Variants in ABCA12 observed in about 807,000 individuals in gnomAD.
The protein encoded by ABCA12 is glucosylceramide transporter ABCA12.
In ABCA12, 156 loss-of-function variants were observed where a neutral mutation model predicts 293.5. The observed-to-expected ratio is 0.53, with a 90% CI of 0.47 to 0.61. The LOEUF (loss-of-function observed/expected upper bound fraction) is 0.61, where lower values mean the gene tolerates loss of function less well. ABCA12 is among the 20% of genes least tolerant of loss of function. The pLI is 0.00. For synonymous variants in ABCA12, 1,063 were observed against 1,108.0 expected (o/e 0.96, Z 0.81); for missense variants, 2,797 against 3,090.2 (o/e 0.91, Z 2.25).
chr2:214,958,865 C>A (rs945614389), intron 40 of ABCA12, among the ~76,000 whole-genome samples, 159 bp downstream of exon 40: 2 of 152,166 alleles, frequency 1.3e-5, no homozygotes, highest in Admixed American at 6.6e-5. Context: ...CCACTCTACA[C>A]CCTTGCAGAA....
chr2:215,129,474 T>G lies in ABCA12; in HGVS notation c.69+8666A>C, dbSNP rs1393212976. Among the ~76,000 whole-genome samples, 4 of 152,234 alleles carry G rather than the reference T, an allele frequency of 2.6e-5. No homozygotes were observed. In the East Asian group the frequency reaches 5.8e-4, roughly 22 times the overall value. On this transcript the variant is annotated intron_variant, in intron 1 of 52. Coordinates refer to ENST00000272895, the MANE Select transcript of ABCA12 (RefSeq NM_173076.3). ...GTGGTTTAAATTTACATTTCTCTTA[T>G]GATTCATGATATTGAGAATTTTTTC...
intron 52 of ABCA12, 87 bp from the exon 53 acceptor site, chr2:214,932,828 C>T (rs1698103102): frequency 2.1e-6 from 2 of 933,872 alleles, no homozygotes; most frequent in Non-Finnish European, 3.4e-6. Context: ...TCTCCCCTTC[C>T]TCTCTCCTAG....
chr2:215,016,166 G>A (rs1419019848), intron 14 of ABCA12, among the ~76,000 whole-genome samples: 1 of 151,404 alleles, frequency 6.6e-6, no homozygotes, highest in East Asian at 2.0e-4. Flanking sequence ...AAAAAGATGG[G>A]GAAAAAAGAG....
chr2:215,037,600 A>G lies in ABCA12; in HGVS notation c.873-535T>C, dbSNP rs575477147. 2.2e-3 allele frequency among the ~76,000 whole-genome samples: 341 copies of G among 152,310 alleles called. 2 individuals carry two copies. The highest frequency in any genetic ancestry group is 3.1e-3 in the Non-Finnish European group (212 of 68,006). ...CTATATTCTATCTTCTAAGTGGTCTATAGGCACTATTCCAGAGGTAGTTCA... is the reference window on the plus strand; with the variant it reads ...CTATATTCTATCTTCTAAGTGGTCTGTAGGCACTATTCCAGAGGTAGTTCA... On this transcript the variant is annotated intron_variant, in intron 7 of 52. Transcript: ENST00000272895.
At chr2:215,136,883 G>T (rs1437398936) in intron 1 of ABCA12, among the ~76,000 whole-genome samples, 2 of 152,084 alleles carry the variant, frequency 1.3e-5, no homozygotes, top group African/African-American at 4.8e-5. Flanking sequence ...TAGAGAAACT[G>T]TCTTAAGCTA....
chr2:215,092,106 C>T (rs569945085), intron 2 of ABCA12, among the ~76,000 whole-genome samples: 1 of 152,324 alleles, frequency 6.6e-6, no homozygotes, highest in Admixed American at 6.5e-5. Context: ...TGGACCATCA[C>T]AGACGTTTTT....
At chr2:215,120,018 G>A (rs1702771892) in intron 1 of ABCA12, among the ~76,000 whole-genome samples, 2 of 152,130 alleles carry the variant, frequency 1.3e-5, no homozygotes, top group South Asian at 2.1e-4. Context: ...CAACCTATGT[G>A]TCCATCAATG....
chr2:215,102,436 T>C (rs1702378653), intron 2 of ABCA12, among the ~76,000 whole-genome samples: 1 of 152,020 alleles, frequency 6.6e-6, no homozygotes. Flanking sequence ...CTGTCTCTAC[T>C]AAAAATACAA....
chr2:215,074,867 G>A (rs1297806152), intron 2 of ABCA12, among the ~76,000 whole-genome samples: 6 of 151,976 alleles, frequency 3.9e-5, no homozygotes, highest in South Asian at 2.1e-4. Flanking sequence ...ACTTGAACCC[G>A]GGAGGTGGGG....
intron 7 of ABCA12, among the ~76,000 whole-genome samples, chr2:215,040,960 C>T (rs139024374): frequency 1.8e-4 from 27 of 152,236 alleles, no homozygotes; most frequent in African/African-American, 6.0e-4. Context: ...TGGTTTGCTG[C>T]ACCTACTAAG....
At chr2:214,935,045 G>C (rs1376908655) in intron 51 of ABCA12, among the ~76,000 whole-genome samples, 1 of 152,120 alleles carries the variant, frequency 6.6e-6, no homozygotes, top group Non-Finnish European at 1.5e-5. Flanking sequence ...TCTTATTCCA[G>C]AATCTACCCC....
intron 4 of ABCA12, 72 bp downstream of exon 4, chr2:215,054,500 TA>T: frequency 1.6e-6 from 2 of 1,289,976 alleles, no homozygotes; most frequent in Non-Finnish European, 2.3e-6. Context: ...GTTTAAAGTA[TA>T]AACCTTTCAA....
At chr2:214,955,166 A>G in intron 43 of ABCA12, 36 bp downstream of exon 43, 2 of 1,609,400 alleles carry the variant, frequency 1.2e-6, no homozygotes, top group Non-Finnish European at 1.7e-6. Flanking sequence ...AACATGTTGA[A>G]GCTTTTGATA....
At chr2:215,112,776 G>A (rs541513648) in intron 1 of ABCA12, among the ~76,000 whole-genome samples, 14 of 152,034 alleles carry the variant, frequency 9.2e-5, no homozygotes, top group Non-Finnish European at 1.5e-4. Flanking sequence ...GATTACAGGC[G>A]TGTGAGCCAC....
intron 2 of ABCA12, 44 bp from the exon 3 acceptor site, chr2:215,064,263 T>C (rs770125812): frequency 1.9e-6 from 3 of 1,598,582 alleles, no homozygotes; most frequent in East Asian, 2.3e-5. Context: ...GGCACATTTG[T>C]CTGGGAAAGA....
chr2:215,124,514 T>C (rs1476693039), intron 1 of ABCA12, among the ~76,000 whole-genome samples: 2 of 152,212 alleles, frequency 1.3e-5, no homozygotes, highest in Admixed American at 6.5e-5. Context: ...AGTGAAGCGG[T>C]ATCACATTGT....
At chr2:215,087,487 C>CGTGTGTGT (rs3050135) in intron 2 of ABCA12, among the ~76,000 whole-genome samples, 5,003 of 149,338 alleles carry the variant, frequency 0.034, 169 homozygotes, top group East Asian at 0.13. Flanking sequence ...ATACAGGCTT[C>CGTGTGTGT]GTGTGTGTGT....
intron 14 of ABCA12, 129 bp from the exon 15 acceptor site, chr2:215,015,792 T>C: frequency 1.3e-6 from 1 of 790,974 alleles, no homozygotes; most frequent in Non-Finnish European, 2.1e-6. Flanking sequence ...AAACAACTTT[T>C]CATCTAAAGC....
intron 2 of ABCA12, 89 bp downstream of exon 2, chr2:215,111,508 A>AT (rs1702569367): frequency 2.4e-5 from 21 of 880,142 alleles, no homozygotes; most frequent in Non-Finnish European, 2.9e-5. Context: ...ACAAAAAAAA[A>AT]TTTTTGAAAT....
Sources: allele counts gnomAD v4.1 joint callset (sites outside exome capture counted in the v4.1 genomes callset), GRCh38; gene constraint gnomAD v4.1.1; transcripts MANE v1.5; gene names NCBI Gene and HGNC (gene_info 2026-07-23, HGNC 2026-07-21).